The following AKAP11 variants were observed in gnomAD, a reference collection of about 807,000 sequenced individuals.
The protein encoded by AKAP11 is A-kinase anchor protein 11.
A neutral mutation model predicts 146.1 loss-of-function variants in AKAP11; 36 were observed. That is an observed-to-expected ratio of 0.25 (90% CI 0.19 to 0.33). AKAP11 has a LOEUF of 0.33. AKAP11 is among the 10% of genes least tolerant of loss of function. The pLI is 1.00. For missense variants in AKAP11, 2,201 were observed against 2,197.0 expected, an observed-to-expected ratio of 1.00 and a Z score of -0.04; for synonymous variants, 780 against 786.5, an observed-to-expected ratio of 0.99 and a Z score of 0.14.
At chr13:42,271,664 C>A (rs960479749), upstream of AKAP11, among the ~76,000 whole-genome samples, 2 of 152,168 alleles carry the variant, frequency 1.3e-5, no homozygotes, top group Non-Finnish European at 2.9e-5. Flanking sequence ...AGCCTGAAAC[C>A]AAATCTGCGG....
rs751482167 is a variant in AKAP11, at chr13:42,302,731, T to G, written c.3985T>G (p.Ser1329Ala). The change falls in exon 8 of 13, where the codon TCA (serine) becomes GCA (alanine). Residue 1329 changes from serine to alanine, a missense_variant. By Grantham distance (99) the Ser-to-Ala change is moderately conservative. Transcript: ENST00000025301. ...ILSLPPSSCM[S>A]GLMYKYPSCE... is the part of the protein sequence containing the mutation. The stretch of plus-strand genomic sequence containing the variant: ...TTCATTACCACCAAGTTCTTGTATG[T>G]CAGGTCTGATGTATAAGTATCCCAG... 5 of 1,614,084 alleles carry G rather than the reference T, an allele frequency of 3.1e-6. No homozygotes were observed. In the South Asian group the frequency reaches 5.5e-5, roughly 18 times the overall value.
rs143733333 is a variant in AKAP11 at position 42,301,263 on chromosome 13, T to A, written c.2517T>A (p.Pro839=). 15 of 1,613,850 alleles carry A rather than the reference T, an allele frequency of 9.3e-6. No individual in the cohort carries two copies. In the Admixed American group the frequency reaches 2.5e-4, roughly 27 times the overall value. ...CTTGTCTCAGAAATATTTGTTTACCTTCAGAACACAATCCAGGTAATCAGA... is the reference window on the plus strand; with the variant it reads ...CTTGTCTCAGAAATATTTGTTTACCATCAGAACACAATCCAGGTAATCAGA... ...KAACLRNICL[P]SEHNPGNQND... is the part of the protein sequence containing the mutation. Residue 839 remains proline (P), a synonymous_variant, in exon 8 of 13, where the codon CCT becomes CCA. Transcript: ENST00000025301.
At chr13:42,277,727 G>A (rs7983050) in intron 1 of AKAP11, among the ~76,000 whole-genome samples, 18,681 of 152,168 alleles carry the variant, frequency 0.12, 1,248 homozygotes, top group African/African-American at 0.14. Context: ...CGTACAGCTC[G>A]TTCACTTCAG....
At position 42,300,955 on chromosome 13, in the gene AKAP11, A is replaced by G; in HGVS notation, c.2209A>G (p.Thr737Ala). Residue 737 changes from threonine (T) to alanine (A), a missense_variant, in exon 8 of 13, where the codon ACA (threonine) becomes GCA (alanine). Physicochemically the swap from Thr to Ala is moderately conservative, Grantham distance 58. Transcript: ENST00000025301. The part of the protein sequence containing the change: ...YVSAESVVPS[T>A]QAVTFSPSFH... The stretch of plus-strand genomic sequence containing the variant: ...GAGTGCAGAAAGTGTAGTGCCATCG[A>G]CACAGGCTGTCACGTTTTCCCCTTC... 6.2e-7 allele frequency: 1 copy of G among 1,614,168 alleles called. No homozygotes were observed. The highest frequency in any genetic ancestry group is 8.5e-7 in the Non-Finnish European group (1 of 1,179,986).
intron 1 of AKAP11, among the ~76,000 whole-genome samples, chr13:42,275,170 A>G (rs762068587): frequency 2.6e-5 from 4 of 152,354 alleles, no homozygotes; most frequent in Non-Finnish European, 5.9e-5. Flanking sequence ...CTGGAAGCAC[A>G]TGGTCTTATG....
Position 42,301,532 on chromosome 13 carries a change from G to A in AKAP11, c.2786G>A (p.Ser929Asn), listed in dbSNP as rs1345696979. 1.9e-6 allele frequency: 3 copies of A among 1,614,130 alleles called. No individual in the cohort carries two copies. The highest frequency in any genetic ancestry group is 1.7e-6 in the Non-Finnish European group (2 of 1,179,984). ...SHCDQAVLQC[S>N]EASSNKDMFA... The stretch of plus-strand genomic sequence containing the variant: ...TGTGATCAGGCAGTGCTGCAATGCA[G>A]TGAAGCTAGTAGCAATAAGGACATG... The change falls in exon 8 of 13, where the codon AGT becomes AAT. Residue 929 changes from serine (S) to asparagine (N), a missense_variant. Ser to Asn is a conservative substitution (Grantham distance 46). Around this residue, in one of 3 missense-constraint regions of AKAP11, gnomAD observed 1,867 missense variants for 1,833.5 expected, o/e 1.02. Transcript: ENST00000025301.
intron 1 of AKAP11, among the ~76,000 whole-genome samples, chr13:42,283,142 A>G (rs1434703913): frequency 6.6e-6 from 1 of 152,156 alleles, no homozygotes; most frequent in Non-Finnish European, 1.5e-5. Flanking sequence ...ATGTCATATC[A>G]TCTCATATTG....
intron 1 of AKAP11, among the ~76,000 whole-genome samples, chr13:42,278,241 A>G (rs1958975067): frequency 6.6e-6 from 1 of 152,256 alleles, no homozygotes; most frequent in African/African-American, 2.4e-5. Flanking sequence ...ATAAAGAAGC[A>G]AATATCTTAA....
intron 3 of AKAP11, among the ~76,000 whole-genome samples, chr13:42,290,431 A>G (rs2138508462): frequency 6.6e-6 from 1 of 152,322 alleles, no homozygotes; most frequent in South Asian, 2.1e-4. Flanking sequence ...TGATTAATAC[A>G]CTTAATAAAC....
At position 42,308,496 on chromosome 13, in the gene AKAP11, T is replaced by G. The variant is rs768025731; in HGVS notation, c.5160T>G (p.Ser1720Arg). Residue 1720 changes from serine to arginine, a missense_variant, in exon 9 of 13, where the codon AGT (serine) becomes AGG (arginine). Ser to Arg is a moderately radical substitution (Grantham distance 110). Coordinates refer to ENST00000025301, the MANE Select transcript of AKAP11 (RefSeq NM_016248.4). The stretch of plus-strand genomic sequence containing the variant: ...ACTTTCAGTCAACCGAGTCTGTCAG[T>G]AGCCAGCAGATGAACCTCAGTATTG... ...IEDFQSTESVSSQQMNLSIGD... is the reference protein window; with the variant it reads ...IEDFQSTESVRSQQMNLSIGD... 3 of 1,610,956 alleles carry G rather than the reference T, an allele frequency of 1.9e-6. No homozygotes were observed. The highest frequency in any genetic ancestry group is 8.5e-7 in the Non-Finnish European group (1 of 1,177,992).
In AKAP11 at chr13:42,302,680, C is replaced by G; in HGVS notation, c.3934C>G (p.Pro1312Ala). 6.2e-7 allele frequency: 1 copy of G among 1,613,864 alleles called. No individual in the cohort carries two copies. The highest frequency in any genetic ancestry group is 8.5e-7 in the Non-Finnish European group (1 of 1,179,960). The change falls in exon 8 of 13, where the codon CCA (proline) becomes GCA (alanine). Residue 1312 changes from proline (P) to alanine (A), a missense_variant. Pro to Ala is a conservative substitution (Grantham distance 27, BLOSUM62 -1). Coordinates refer to ENST00000025301, the MANE Select transcript of AKAP11 (RefSeq NM_016248.4). ...GTTGGATATAGAGGCTGTAGTGCAC[C>G]CAAGAGAAGTGGATCCGTTTATTCT... The part of the protein sequence containing the change: ...EKLDIEAVVH[P>A]REVDPFILSL...
chr13:42,299,755 A>G lies in AKAP11; in HGVS notation c.1009A>G (p.Lys337Glu), dbSNP rs779020675. 31 of 1,614,002 alleles carry G rather than the reference A, an allele frequency of 1.9e-5. No individual in the cohort carries two copies. The South Asian group carries it at 3.0e-4, about 15-fold the overall frequency. The stretch of plus-strand genomic sequence containing the variant: ...CTTAAAAGCAAAACTTGAGCTGCCT[A>G]AAATTCCTGTGATGAAAGATGATAT... ...KSLKAKLELP[K>E]IPVMKDDIED... The change falls in exon 8 of 13, where the codon AAA becomes GAA. Residue 337 changes from lysine (K) to glutamate (E), a missense_variant. By Grantham distance (56) the Lys-to-Glu change is moderately conservative (BLOSUM62 1). Coordinates refer to ENST00000025301, the MANE Select transcript of AKAP11 (RefSeq NM_016248.4).
In AKAP11 at chr13:42,319,092, C is replaced by T; in HGVS notation, c.5570C>T (p.Ser1857Leu). The T allele has an allele frequency of 6.2e-7, 1 of 1,613,028 alleles. No individual in the cohort carries two copies. The highest frequency in any genetic ancestry group is 8.5e-7 in the Non-Finnish European group (1 of 1,179,598). Residue 1857 changes from serine (S) to leucine (L), a missense_variant, in exon 13 of 13, where the codon TCA becomes TTA. Transcript: ENST00000025301. ...TGACACATCTTTCTTTCTTAGCTTT[C>T]AAAACAATTACAAGAGAAAGGATGG... is the stretch of plus-strand genomic sequence containing the variant. ...DSANKEFMLL[S>L]KQLQEKGWKV...
chr13:42,303,935 C>T (rs1349655338), intron 8 of AKAP11, 72 bp downstream of exon 8: 3 of 1,465,952 alleles, frequency 2.0e-6, no homozygotes, highest in Non-Finnish European at 2.7e-6. Context: ...TGTCTTAGGT[C>T]CTGTTCATAA....
intron 1 of AKAP11, among the ~76,000 whole-genome samples, chr13:42,272,450 G>T (rs904378127): frequency 1.3e-5 from 2 of 152,198 alleles, no homozygotes; most frequent in African/African-American, 2.4e-5. Flanking sequence ...TCACCGCACC[G>T]GGCCCAGAGT....
intron 5 of AKAP11, among the ~76,000 whole-genome samples, chr13:42,296,299 A>G (rs1399841534): frequency 2.0e-5 from 3 of 152,148 alleles, no homozygotes; most frequent in Non-Finnish European, 2.9e-5. Context: ...GTATATTTTG[A>G]TTGTGGCCTT....
At chr13:42,284,366 C>G (rs1178966132) in intron 1 of AKAP11, among the ~76,000 whole-genome samples, 3 of 152,176 alleles carry the variant, frequency 2.0e-5, no homozygotes, top group Non-Finnish European at 4.4e-5. Context: ...CCTTCTTTGA[C>G]AGTCTCTGGT....
intron 3 of AKAP11, among the ~76,000 whole-genome samples, chr13:42,290,303 T>A (rs1052907847): frequency 2.6e-5 from 4 of 152,226 alleles, no homozygotes; most frequent in African/African-American, 9.6e-5. Context: ...TGAAAGGTGA[T>A]GTTGTGTTCA....
chr13:42,303,976 A>G (rs1472726131), intron 8 of AKAP11, 113 bp downstream of exon 8: 2 of 1,320,966 alleles, frequency 1.5e-6, no homozygotes, highest in Non-Finnish European at 1.0e-6. Context: ...CTACATAAAC[A>G]AAAGTTTTCC....
Sources: allele counts gnomAD v4.1 joint callset (sites outside exome capture counted in the v4.1 genomes callset), GRCh38; gene constraint gnomAD v4.1.1; regional missense constraint gnomAD v4.1.1; transcripts MANE v1.5; gene names NCBI Gene and HGNC (gene_info 2026-07-23, HGNC 2026-07-21).